The following MYZAP variants were observed in gnomAD, a reference collection of about 807,000 sequenced individuals.
The protein encoded by MYZAP is GRINL1A complex locus upstream.
In MYZAP, 66 loss-of-function variants were observed where a neutral mutation model predicts 69.4. The observed-to-expected ratio is 0.95, with a 90% CI of 0.78 to 1.17. The LOEUF (loss-of-function observed/expected upper bound fraction) is 1.17. Among genes scored for constraint, MYZAP ranks in the 50% most tolerant of loss-of-function variants. The pLI is 0.00. For missense variants in MYZAP, 611 were observed against 556.2 expected (o/e 1.10, Z -0.99); for synonymous variants, 256 against 205.9 (o/e 1.24, Z -2.09).
chr15:57,628,280 A>AT (rs2036278048), intron 5 of MYZAP, among the ~76,000 whole-genome samples: 1 of 151,994 alleles, frequency 6.6e-6, no homozygotes, highest in East Asian at 1.9e-4. Flanking sequence ...CTTTTTTATT[A>AT]TTTTTTTAGA....
intron 5 of MYZAP, among the ~76,000 whole-genome samples, chr15:57,626,582 T>C (rs143241497): frequency 2.4e-4 from 36 of 152,350 alleles, no homozygotes; most frequent in African/African-American, 7.9e-4. Context: ...ATTGTATGTA[T>C]TTGAAATAGC....
intron 3 of MYZAP, among the ~76,000 whole-genome samples, chr15:57,621,053 T>C (rs1482747905): frequency 6.8e-6 from 1 of 148,020 alleles, no homozygotes; most frequent in Non-Finnish European, 1.5e-5. Context: ...TTTTATTATG[T>C]ATATAAAATA....
rs188488761 is a variant in MYZAP at position 57,605,717 on chromosome 15, A to G, written c.162+1362A>G. On this transcript the variant is annotated intron_variant, in intron 2 of 12. Transcript: ENST00000267853. Reference sequence around the variant, plus strand: ...TGCCTAAAAAGAGTGGATGAGTTCCACTAAAAAGATCCAGAAAAACAGCTA... The same window carrying G: ...TGCCTAAAAAGAGTGGATGAGTTCCGCTAAAAAGATCCAGAAAAACAGCTA... Among the ~76,000 whole-genome samples the G allele has an allele frequency of 6.0e-3, 921 of 152,328 alleles. 16 individuals are homozygous for G. The highest frequency in any genetic ancestry group is 0.021 in the African/African-American group (871 of 41,566).
At chr15:57,647,640 G>A in intron 10 of MYZAP, 1 of 985,374 alleles carries the variant, frequency 1.0e-6, no homozygotes, top group South Asian at 4.7e-5. Context: ...TGGAGGCCAG[G>A]CAGGCCTTAT....
At chr15:57,672,231 C>T (rs189322864) in intron 11 of MYZAP, among the ~76,000 whole-genome samples, 26 of 152,272 alleles carry the variant, frequency 1.7e-4, no homozygotes, top group Admixed American at 3.3e-4. Flanking sequence ...CATCCTTCTC[C>T]GGGTTTCTTC....
rs1172761785 is a variant in MYZAP at position 57,593,214 on chromosome 15, A to ACACACACACACACC, written c.75+1106_75+1107insACACACACACACCC. Among the ~76,000 whole-genome samples the ACACACACACACACC allele has an allele frequency of 4.4e-3, 617 of 141,424 alleles. 4 individuals are homozygous for ACACACACACACACC. Among genetic ancestry groups the ACACACACACACACC allele is most frequent in the South Asian group, 0.012 (52 of 4,178 alleles). The allele number at this position is 141,424 out of a possible 152,430, so 92.8% of individuals were successfully genotyped here. On this transcript the variant is annotated intron_variant, in intron 1 of 12. Transcript: ENST00000267853. ...CACACACACACACACACACACACACACCCCAGAATCCATCAGTTGGCTCAT... is the reference window on the plus strand; with the variant it reads ...CACACACACACACACACACACACACACACACACACACACCCCCCAGAATCCATCAGTTGGCTCAT...
At chr15:57,676,094 A>C in intron 12 of MYZAP, among the ~76,000 whole-genome samples, 1 of 152,146 alleles carries the variant, frequency 6.6e-6, no homozygotes, top group Non-Finnish European at 1.5e-5. Flanking sequence ...GGATGCCTTC[A>C]GACAGGTTCT....
At chr15:57,616,822 C>CTTCTTTTGTTTTTTTTTTTTTTTTT (rs2035485971) in intron 2 of MYZAP, among the ~76,000 whole-genome samples, 1 of 50,058 alleles carries the variant, frequency 2.0e-5, no homozygotes, top group African/African-American at 7.9e-5. Flanking sequence ...AAAAAAAGTG[C>CTTCTTTTGTTTTTTTTTTTTTTTTT]TTTTTTTTTT....
chr15:57,665,476 C>T (rs1412239131), intron 11 of MYZAP, among the ~76,000 whole-genome samples: 4 of 152,204 alleles, frequency 2.6e-5, no homozygotes, highest in Non-Finnish European at 5.9e-5. Flanking sequence ...ATTGATCATG[C>T]CTGTGCTCCT....
rs759986886 is a variant in MYZAP at position 57,629,868 on chromosome 15, G to A, written c.678+14G>A. On this transcript the variant is annotated intron_variant, in intron 6 of 12. Transcript: ENST00000267853. Reference sequence around the variant, plus strand: ...CTAAAAATGAAGGTGGAGTATAAAAGCCTAGATTTATTTTCTATGAACTTT... The same window carrying A: ...CTAAAAATGAAGGTGGAGTATAAAAACCTAGATTTATTTTCTATGAACTTT... 5.0e-6 allele frequency: 8 copies of A among 1,608,278 alleles called. No individual in the cohort carries two copies. The highest frequency in any genetic ancestry group is 6.8e-6 in the Non-Finnish European group (8 of 1,178,508).
chr15:57,623,863 C>T (rs117123637), intron 4 of MYZAP, among the ~76,000 whole-genome samples: 2,267 of 143,586 alleles, frequency 0.016, 30 homozygotes, highest in South Asian at 0.047. Flanking sequence ...AAGATGTAGA[C>T]GGTGAAAAAA....
chr15:57,629,583 G>T (rs1465446809), intron 5 of MYZAP, 119 bp from the exon 6 acceptor site: 5 of 1,357,974 alleles, frequency 3.7e-6, no homozygotes, highest in African/African-American at 3.0e-5. Flanking sequence ...ACTGGCAGTT[G>T]CTGTAGCCTA....
At position 57,625,831 on chromosome 15, in the gene MYZAP, C is replaced by T; in HGVS notation, c.464C>T (p.Ser155Phe). ...GAGAATCACATCCAAACCCAGTCGTCTGCCCTGGATCGTTTTAATGCCATG... is the reference window on the plus strand; with the variant it reads ...GAGAATCACATCCAAACCCAGTCGTTTGCCCTGGATCGTTTTAATGCCATG... Reference protein sequence around the residue: ...YLENHIQTQSSALDRFNAMNS... With the variant: ...YLENHIQTQSFALDRFNAMNS... The change falls in exon 5 of 13, where the codon TCT (serine) becomes TTT (phenylalanine). Residue 155 changes from serine to phenylalanine, a missense_variant. Ser to Phe is a radical substitution (Grantham distance 155). Transcript: ENST00000267853. 6.2e-7 allele frequency: 1 copy of T among 1,614,192 alleles called. No homozygotes were observed. The highest frequency in any genetic ancestry group is 2.2e-5 in the East Asian group (1 of 44,882).
chr15:57,662,872 C>G (rs2038380245), intron 11 of MYZAP, among the ~76,000 whole-genome samples: 1 of 152,186 alleles, frequency 6.6e-6, no homozygotes, highest in African/African-American at 2.4e-5. Context: ...GCAGTCATAA[C>G]CAGAAGTCCC....
chr15:57,646,397 A>G (rs931913410), intron 10 of MYZAP: 27 of 1,118,262 alleles, frequency 2.4e-5, no homozygotes, highest in Non-Finnish European at 2.3e-5. Context: ...CCTGACTTGT[A>G]CAGCCTCAAA....
rs1199108437 is a variant in MYZAP, at chr15:57,682,166, A to T, written c.1305-2236A>T. On this transcript the variant is annotated intron_variant, in intron 12 of 12. Transcript: ENST00000267853. ...CTTTCAGGAACCCAGGAATTCCTCC[A>T]TCTAGCAACCCTGCCTGAGCTTTGG... 1.3e-5 allele frequency among the ~76,000 whole-genome samples: 2 copies of T among 152,146 alleles called. 1 individual carries two copies. The highest frequency in any genetic ancestry group is 2.9e-5 in the Non-Finnish European group (2 of 68,026).
intron 10 of MYZAP, among the ~76,000 whole-genome samples, chr15:57,659,338 C>T (rs2038162333): frequency 6.6e-6 from 1 of 152,012 alleles, no homozygotes; most frequent in African/African-American, 2.4e-5. Flanking sequence ...ACAATCTGCA[C>T]ATGTTATGTT....
chr15:57,623,048 T>C (rs1403911620), intron 4 of MYZAP, among the ~76,000 whole-genome samples: 1 of 152,196 alleles, frequency 6.6e-6, no homozygotes, highest in Non-Finnish European at 1.5e-5. Context: ...TAATGTATAC[T>C]AAAGGAAAGA....
chr15:57,647,589 C>A, intron 10 of MYZAP: 1 of 985,412 alleles, frequency 1.0e-6, no homozygotes, highest in Non-Finnish European at 1.2e-6. Flanking sequence ...CTTTCTTCTG[C>A]TTTTAGAGTT....
Sources: allele counts gnomAD v4.1 joint callset (sites outside exome capture counted in the v4.1 genomes callset), GRCh38; gene constraint gnomAD v4.1.1; transcripts MANE v1.5; gene names NCBI Gene and HGNC (gene_info 2026-07-23, HGNC 2026-07-21).